The following SNTB1 variants were observed in gnomAD, a reference collection of about 807,000 sequenced individuals.
SNTB1 encodes syntrophin beta 1, also known as beta-1-syntrophin.
SNTB1 carries 36 observed loss-of-function variants against 48.9 expected under a neutral mutation model. The observed-to-expected ratio is 0.74, with a 90% CI of 0.56 to 0.97. SNTB1 has a LOEUF of 0.97. Ranked by LOEUF, SNTB1 falls within the 50% of genes least tolerant of loss-of-function variation. SNTB1 has a pLI of 0.00. For missense variants in SNTB1, 786 were observed against 703.4 expected (o/e 1.12, Z -1.33); for synonymous variants, 299 against 294.6 (o/e 1.01, Z -0.15).
intron 3 of SNTB1, among the ~76,000 whole-genome samples, chr8:120,619,473 G>T (rs1031252216): frequency 6.6e-5 from 10 of 152,116 alleles, no homozygotes; most frequent in African/African-American, 2.2e-4. Flanking sequence ...TAGACAGCAG[G>T]TCATCTATGA....
intron 4 of SNTB1, among the ~76,000 whole-genome samples, chr8:120,572,104 T>C (rs928734782): frequency 1.3e-5 from 2 of 152,140 alleles, no homozygotes; most frequent in African/African-American, 4.8e-5. Flanking sequence ...TTTAATCTTG[T>C]GTTAATTCTT....
At position 120,714,243 on chromosome 8, in the gene SNTB1, C is replaced by T. The variant is rs1017628944; in HGVS notation, c.572-20335G>A. On this transcript the variant is annotated intron_variant, in intron 1 of 6. Coordinates refer to ENST00000517992, the MANE Select transcript of SNTB1 (RefSeq NM_021021.4). ...TGCCCACCACAGAGACAGAACCCCT[C>T]CTCTGTTAGATTACATTTAAGAAAG... Among the ~76,000 whole-genome samples the T allele has an allele frequency of 2.6e-5, 4 of 152,152 alleles. No individual in the cohort carries two copies. The East Asian group carries it at 7.7e-4, about 29-fold the overall frequency.
intron 3 of SNTB1, among the ~76,000 whole-genome samples, chr8:120,588,156 T>A (rs1816179711): frequency 6.6e-6 from 1 of 152,196 alleles, no homozygotes; most frequent in South Asian, 2.1e-4. Context: ...CTTCCTTGTC[T>A]ACTTTCTCAT....
intron 2 of SNTB1, among the ~76,000 whole-genome samples, chr8:120,640,754 T>C (rs780076331): frequency 6.6e-6 from 1 of 152,194 alleles, no homozygotes; most frequent in Non-Finnish European, 1.5e-5. Flanking sequence ...GGATAAAATT[T>C]TGATGTGCTG....
At chr8:120,617,389 C>T (rs1401657549) in intron 3 of SNTB1, among the ~76,000 whole-genome samples, 1 of 152,180 alleles carries the variant, frequency 6.6e-6, no homozygotes, top group African/African-American at 2.4e-5. Context: ...ACTTCTAAAT[C>T]CACTTTGGTA....
chr8:120,737,285 T>C (rs558683676), intron 1 of SNTB1, among the ~76,000 whole-genome samples: 30 of 152,322 alleles, frequency 2.0e-4, no homozygotes, highest in Non-Finnish European at 3.4e-4. Flanking sequence ...ACCTACTTCA[T>C]AGAGTTACTG....
At chr8:120,664,347 T>C (rs1245907633) in intron 2 of SNTB1, among the ~76,000 whole-genome samples, 1 of 152,238 alleles carries the variant, frequency 6.6e-6, no homozygotes, top group Non-Finnish European at 1.5e-5. Context: ...TCTGCAAGAC[T>C]ATTTCTATAA....
At chr8:120,811,230 T>C (rs1443612710) in intron 1 of SNTB1, 43 bp downstream of exon 1, 2 of 1,543,132 alleles carry the variant, frequency 1.3e-6, no homozygotes, top group Non-Finnish European at 1.7e-6. Flanking sequence ...GCCGAGCAGG[T>C]GTGTGCGCGC....
At chr8:120,629,359 G>A (rs1036094070) in intron 3 of SNTB1, among the ~76,000 whole-genome samples, 4 of 152,076 alleles carry the variant, frequency 2.6e-5, no homozygotes, top group African/African-American at 4.8e-5. Flanking sequence ...TATAAATGCC[G>A]CTTTTAAAAA....
At chr8:120,742,847 G>C (rs1819063545) in intron 1 of SNTB1, among the ~76,000 whole-genome samples, 1 of 152,170 alleles carries the variant, frequency 6.6e-6, no homozygotes, top group Non-Finnish European at 1.5e-5. Context: ...GTCTTGCAGA[G>C]AGTGGGGAGG....
At chr8:120,803,301 C>T (rs1284057583) in intron 1 of SNTB1, among the ~76,000 whole-genome samples, 1 of 152,064 alleles carries the variant, frequency 6.6e-6, no homozygotes, top group African/African-American at 2.4e-5. Context: ...GAGTGGCGCT[C>T]ACTTGCATGA....
At chr8:120,562,475 G>T (rs1216473669) in intron 4 of SNTB1, among the ~76,000 whole-genome samples, 2 of 152,172 alleles carry the variant, frequency 1.3e-5, no homozygotes, top group African/African-American at 4.8e-5. Context: ...GACACTGGAA[G>T]ATCACTAGGT....
chr8:120,693,894 C>T lies in SNTB1; in HGVS notation c.586G>A (p.Glu196Lys). ...EVLLEVKYMR[E>K]ATPYVKKGSP... ...CCTTTCTTCACATAGGGCGTGGCTT[C>T]TCGCATGTACTTCACTGCAAGGAAA... The change falls in exon 2 of 7, where the codon GAA becomes AAA. Residue 196 changes from glutamate to lysine, a missense_variant. By Grantham distance (56) the Glu-to-Lys change is moderately conservative. Coordinates refer to ENST00000517992, the MANE Select transcript of SNTB1 (RefSeq NM_021021.4). 6.2e-7 allele frequency: 1 copy of T among 1,613,514 alleles called. No individual in the cohort carries two copies. The highest frequency in any genetic ancestry group is 1.3e-5 in the African/African-American group (1 of 75,020).
At chr8:120,749,794 C>T (rs973454873) in intron 1 of SNTB1, among the ~76,000 whole-genome samples, 18 of 152,102 alleles carry the variant, frequency 1.2e-4, no homozygotes, top group African/African-American at 3.9e-4. Context: ...ACGGAAAGGT[C>T]TGTGCTGCTC....
At chr8:120,672,037 T>C (rs1421512757) in intron 2 of SNTB1, among the ~76,000 whole-genome samples, 1 of 152,220 alleles carries the variant, frequency 6.6e-6, no homozygotes, top group South Asian at 2.1e-4. Flanking sequence ...CTCCCTGCTT[T>C]TTCACTTTCA....
intron 2 of SNTB1, among the ~76,000 whole-genome samples, chr8:120,672,828 C>T (rs1057062897): frequency 7.9e-5 from 12 of 152,186 alleles, no homozygotes; most frequent in African/African-American, 2.7e-4. Flanking sequence ...TTGCACTTTT[C>T]CTGAGTTTGG....
rs540274666 is a variant in SNTB1 at position 120,755,145 on chromosome 8, TGTGTG to T, written c.571+56123_571+56127del. Among the ~76,000 whole-genome samples the T allele has an allele frequency of 3.1e-3, 449 of 146,760 alleles. 4 individuals carry two copies. Among genetic ancestry groups the T allele is most frequent in the Middle Eastern group, 0.017 (5 of 288 alleles). On this transcript the variant is annotated intron_variant, in intron 1 of 6. Transcript: ENST00000517992. ...GAGTCTAAGCTATGCTGTGGTGTTG[TGTGTG>T]TGTGTGTGTGTGTGTGTGTGTGAGA...
At chr8:120,727,488 T>C (rs1818777743) in intron 1 of SNTB1, among the ~76,000 whole-genome samples, 1 of 152,120 alleles carries the variant, frequency 6.6e-6, no homozygotes, top group African/African-American at 2.4e-5. Flanking sequence ...CCTTGAAGGG[T>C]CGTGATGAGT....
intron 1 of SNTB1, among the ~76,000 whole-genome samples, chr8:120,808,353 T>C (rs1820370428): frequency 6.6e-6 from 1 of 152,198 alleles, no homozygotes; most frequent in Admixed American, 6.5e-5. Context: ...GCTCAATAAA[T>C]GTTAGCTATT....
Sources: gnomAD v4.1 joint callset for allele counts (sites outside exome capture counted in the v4.1 genomes callset) on GRCh38, gnomAD v4.1.1 for gene constraint, MANE v1.5 for transcripts, NCBI Gene and HGNC (gene_info 2026-07-23, HGNC 2026-07-21) for gene names.